The following PLCL1 variants were observed in gnomAD, a reference collection of about 807,000 sequenced individuals.
The protein encoded by PLCL1 is inactive phospholipase C-like protein 1.
PLCL1 carries 41 observed loss-of-function variants against 84.4 expected under a neutral mutation model. That is an observed-to-expected ratio of 0.49 (90% CI 0.38 to 0.63). The LOEUF (loss-of-function observed/expected upper bound fraction) is 0.63, where lower values mean the gene tolerates loss of function less well. PLCL1 is among the 30% of genes least tolerant of loss of function. PLCL1 has a pLI of 0.00. For synonymous variants in PLCL1, 490 were observed against 488.3 expected (o/e 1.00, Z -0.05); for missense variants, 1,206 against 1,367.8 (o/e 0.88, Z 1.87).
At chr2:197,939,530 T>G (rs1486377400) in intron 1 of PLCL1, among the ~76,000 whole-genome samples, 3 of 152,094 alleles carry the variant, frequency 2.0e-5, no homozygotes, top group Non-Finnish European at 4.4e-5. Flanking sequence ...TTCTCTGCCA[T>G]CTTCTCCTCC....
At chr2:198,039,687 C>G (rs1043483158) in intron 1 of PLCL1, among the ~76,000 whole-genome samples, 8 of 152,134 alleles carry the variant, frequency 5.3e-5, no homozygotes, top group African/African-American at 1.9e-4. Context: ...CAATATAGCA[C>G]TTTCAGAAAA....
At chr2:197,977,589 C>T (rs1690014050) in intron 1 of PLCL1, among the ~76,000 whole-genome samples, 1 of 152,140 alleles carries the variant, frequency 6.6e-6, no homozygotes, top group Non-Finnish European at 1.5e-5. Context: ...GTTCCTATTG[C>T]CCCTACCCTA....
At chr2:198,003,611 G>A (rs1690658302) in intron 1 of PLCL1, among the ~76,000 whole-genome samples, 1 of 152,144 alleles carries the variant, frequency 6.6e-6, no homozygotes, top group African/African-American at 2.4e-5. Context: ...TAGTATTTCA[G>A]ATAATTTCTT....
chr2:198,004,971 C>T (rs1285353200), intron 1 of PLCL1, among the ~76,000 whole-genome samples: 1 of 152,154 alleles, frequency 6.6e-6, no homozygotes, highest in Non-Finnish European at 1.5e-5. Flanking sequence ...TGCTGCAGAA[C>T]ATGAAAGGAA....
At chr2:197,997,010 T>C (rs1014999656) in intron 1 of PLCL1, among the ~76,000 whole-genome samples, 4 of 152,170 alleles carry the variant, frequency 2.6e-5, no homozygotes, top group Non-Finnish European at 5.9e-5. Context: ...AGGAGAGAGA[T>C]AGCTTGTGCT....
chr2:198,135,283 G>A (rs1420599017), intron 5 of PLCL1, among the ~76,000 whole-genome samples: 1 of 152,154 alleles, frequency 6.6e-6, no homozygotes, highest in Non-Finnish European at 1.5e-5. Context: ...AACAGTGTTT[G>A]TTTATTGTGC....
At chr2:197,926,730 G>C (rs1688838855) in intron 1 of PLCL1, among the ~76,000 whole-genome samples, 1 of 152,106 alleles carries the variant, frequency 6.6e-6, no homozygotes, top group South Asian at 2.1e-4. Context: ...GAAGCCTTCT[G>C]GTTATCAGTT....
At chr2:197,895,498 G>A (rs951281737) in intron 1 of PLCL1, among the ~76,000 whole-genome samples, 4 of 151,874 alleles carry the variant, frequency 2.6e-5, no homozygotes, top group South Asian at 2.1e-4. Flanking sequence ...CTTTCCTGAC[G>A]TAGTTGCTTT....
intron 5 of PLCL1, 105 bp from the exon 6 acceptor site, chr2:198,146,675 T>C: frequency 1.1e-6 from 1 of 888,714 alleles, no homozygotes; most frequent in South Asian, 2.5e-5. Context: ...GGTCTGGGTC[T>C]GTTTCCTTAT....
chr2:198,053,817 C>T lies in PLCL1; in HGVS notation c.241-29941C>T, dbSNP rs539069972. On this transcript the variant is annotated intron_variant, in intron 1 of 5. Coordinates refer to ENST00000428675, the MANE Select transcript of PLCL1 (RefSeq NM_006226.4). Reference sequence around the variant, plus strand: ...AAGCAATTCAGATAATTGTGACTGCCATTGTTGAAGACAGGCCTTTGGAAG... The same window carrying T: ...AAGCAATTCAGATAATTGTGACTGCTATTGTTGAAGACAGGCCTTTGGAAG... Among the ~76,000 whole-genome samples, 44 of 152,288 alleles carry T rather than the reference C, an allele frequency of 2.9e-4. No homozygotes were observed. The South Asian group carries it at 4.1e-3, about 14-fold the overall frequency.
intron 1 of PLCL1, among the ~76,000 whole-genome samples, chr2:197,862,672 C>A (rs1480211974): frequency 6.6e-6 from 1 of 152,046 alleles, no homozygotes; most frequent in Non-Finnish European, 1.5e-5. Flanking sequence ...TCCCTGTATT[C>A]TTTTGGTTTA....
At chr2:198,108,213 A>T (rs1182968271) in intron 5 of PLCL1, among the ~76,000 whole-genome samples, 1 of 151,838 alleles carries the variant, frequency 6.6e-6, no homozygotes, top group Non-Finnish European at 1.5e-5. Flanking sequence ...CCTTGCTTCC[A>T]GTTGGTTGAA....
chr2:198,045,014 G>C (rs5007118), intron 1 of PLCL1, among the ~76,000 whole-genome samples: 111,080 of 152,116 alleles, frequency 0.73, 41,392 homozygotes, highest in African/African-American at 0.87. Context: ...ACTTTTTACT[G>C]AGAAAAATGT....
At chr2:198,006,741 G>C (rs938940084) in intron 1 of PLCL1, among the ~76,000 whole-genome samples, 1 of 152,164 alleles carries the variant, frequency 6.6e-6, no homozygotes, top group Admixed American at 6.5e-5. Flanking sequence ...AATATTTCAA[G>C]AATGAGACTA....
chr2:197,968,012 C>A (rs935013624), intron 1 of PLCL1, among the ~76,000 whole-genome samples: 6 of 152,184 alleles, frequency 3.9e-5, no homozygotes, highest in African/African-American at 1.4e-4. Context: ...TGAGTAGCTT[C>A]TTGAGAACAT....
At chr2:198,134,629 TA>T (rs1189715842) in intron 5 of PLCL1, among the ~76,000 whole-genome samples, 2 of 152,164 alleles carry the variant, frequency 1.3e-5, no homozygotes. Context: ...TCAGCCTCTT[TA>T]AAAGCATTAT....
intron 1 of PLCL1, among the ~76,000 whole-genome samples, chr2:198,052,536 AAAC>A (rs1378362914): frequency 6.6e-6 from 1 of 152,190 alleles, no homozygotes. Flanking sequence ...AAAAAAAAAA[AAAC>A]CATTACCTTA....
intron 1 of PLCL1, among the ~76,000 whole-genome samples, chr2:197,813,005 A>T (rs1690617254): frequency 6.6e-6 from 1 of 152,184 alleles, no homozygotes; most frequent in African/African-American, 2.4e-5. Flanking sequence ...GCCGATGATG[A>T]GGGTGCGCAC....
chr2:198,126,940 A>T (rs971224974), intron 5 of PLCL1, among the ~76,000 whole-genome samples: 1 of 150,816 alleles, frequency 6.6e-6, no homozygotes, highest in Non-Finnish European at 1.5e-5. Flanking sequence ...TACTAAGCAG[A>T]TTGGCAGGTG....
Sources: gnomAD v4.1 joint callset for allele counts (sites outside exome capture counted in the v4.1 genomes callset) on GRCh38, gnomAD v4.1.1 for gene constraint, MANE v1.5 for transcripts, NCBI Gene and HGNC (gene_info 2026-07-23, HGNC 2026-07-21) for gene names.